The following CEP350 variants were observed in gnomAD, a reference collection of about 807,000 sequenced individuals.
CEP350 encodes centrosomal protein 350.
CEP350 carries 126 observed loss-of-function variants against 331.8 expected under a neutral mutation model. That is an observed-to-expected ratio of 0.38 (90% confidence interval 0.33 to 0.44). The LOEUF (loss-of-function observed/expected upper bound fraction) is 0.44, where lower values mean the gene tolerates loss of function less well. Among genes scored for constraint, CEP350 ranks in the 20% least tolerant of loss-of-function variants. The pLI, the probability that CEP350 is intolerant of heterozygous loss-of-function variation, is 1.00. For missense variants in CEP350, 3,406 were observed against 3,634.6 expected, an observed-to-expected ratio of 0.94 and a Z score of 1.62; for synonymous variants, 1,200 against 1,259.5, an observed-to-expected ratio of 0.95 and a Z score of 1.00.
rs1660309793 is a variant in CEP350, at chr1:180,093,499, T to A, written c.7394T>A (p.Met2465Lys). 1.2e-6 allele frequency: 2 copies of A among 1,612,174 alleles called. No homozygotes were observed. The highest frequency in any genetic ancestry group is 8.5e-7 in the Non-Finnish European group (1 of 1,178,886). The part of the protein sequence containing the change: ...LLELKSPTEL[M>K]KSKERSDVEH... Reference sequence around the variant, plus strand: ...GAACTCAAGTCCCCTACTGAGCTGATGAAAAGTAAGGAGCGCAGTGATGTG... The same window carrying A: ...GAACTCAAGTCCCCTACTGAGCTGAAGAAAAGTAAGGAGCGCAGTGATGTG... The change falls in exon 34 of 38, where the codon ATG (methionine) becomes AAG (lysine). Residue 2465 changes from methionine (M) to lysine (K), a missense_variant. By Grantham distance (95) the Met-to-Lys change is moderately conservative. This residue lies in a region of CEP350 where 1,415 missense variants were observed against 1,512.3 expected (regional missense o/e 0.94). Coordinates refer to ENST00000367607, the MANE Select transcript of CEP350 (RefSeq NM_014810.5).
chr1:180,101,500 C>G (rs1306874933), intron 37 of CEP350, among the ~76,000 whole-genome samples: 1 of 152,154 alleles, frequency 6.6e-6, no homozygotes, highest in African/African-American at 2.4e-5. Context: ...TCTCACATTA[C>G]AACAATCATC....
intron 1 of CEP350, among the ~76,000 whole-genome samples, chr1:179,981,983 G>C (rs1652301145): frequency 6.6e-6 from 1 of 152,154 alleles, no homozygotes; most frequent in South Asian, 2.1e-4. Flanking sequence ...CTGGGTAACA[G>C]AGTGACACCT....
chr1:180,061,626 T>C (rs1658236783), intron 25 of CEP350, among the ~76,000 whole-genome samples: 1 of 152,264 alleles, frequency 6.6e-6, no homozygotes, highest in Non-Finnish European at 1.5e-5. Flanking sequence ...GGAGAGATAT[T>C]GGTACAATGT....
At chr1:179,994,812 G>A (rs964381690) in intron 5 of CEP350, among the ~76,000 whole-genome samples, 1 of 151,964 alleles carries the variant, frequency 6.6e-6, no homozygotes, top group East Asian at 1.9e-4. Flanking sequence ...TTTGGGTTGT[G>A]GACCCCAGTG....
intron 1 of CEP350, among the ~76,000 whole-genome samples, chr1:179,963,425 A>G (rs1650775821): frequency 6.6e-6 from 1 of 152,106 alleles, no homozygotes; most frequent in African/African-American, 2.4e-5. Context: ...TTTTTAAAAT[A>G]GGATCTTTAT....
At chr1:180,008,221 AAAG>A (rs771152557) in intron 8 of CEP350, among the ~76,000 whole-genome samples, 2 of 152,192 alleles carry the variant, frequency 1.3e-5, no homozygotes, top group Non-Finnish European at 2.9e-5. Context: ...AGAATGGAAA[AAAG>A]ATAATTCTCT....
At chr1:179,980,107 T>C (rs916147197) in intron 1 of CEP350, among the ~76,000 whole-genome samples, 3 of 152,140 alleles carry the variant, frequency 2.0e-5, no homozygotes, top group African/African-American at 7.2e-5. Flanking sequence ...GTATTGAACC[T>C]GTAGATCACT....
intron 37 of CEP350, among the ~76,000 whole-genome samples, chr1:180,109,988 A>G (rs1236117551): frequency 6.6e-6 from 1 of 152,202 alleles, no homozygotes; most frequent in Non-Finnish European, 1.5e-5. Context: ...TGTATTATAA[A>G]CAAGCAATAA....
rs1340292756 is a variant in CEP350 at position 180,020,479 on chromosome 1, C to T, written c.2705C>T (p.Ser902Phe). The change falls in exon 12 of 38, where the codon TCT (serine) becomes TTT (phenylalanine). Residue 902 changes from serine to phenylalanine, a missense_variant. Transcript: ENST00000367607. ...RIQKMLGSCV[S>F]HATFDDDLPG... ...CAGAAGATGCTGGGAAGCTGTGTAT[C>T]TCATGCAACTTTTGATGATGATCTT... is the stretch of plus-strand genomic sequence containing the variant. 6.8e-6 allele frequency: 11 copies of T among 1,613,960 alleles called. No homozygotes were observed. The Middle Eastern group carries it at 4.9e-4, about 73-fold the overall frequency.
At chr1:179,969,160 G>T (rs1447781149) in intron 1 of CEP350, 3 of 630,030 alleles carry the variant, frequency 4.8e-6, no homozygotes, top group Non-Finnish European at 8.9e-6. Flanking sequence ...TGATATGGTG[G>T]GTGCTGGCCG....
chr1:180,022,856 A>G lies in CEP350; in HGVS notation c.3386+8A>G. On this transcript the variant is annotated splice_region_variant and intron_variant, in intron 13 of 37. Coordinates refer to ENST00000367607, the MANE Select transcript of CEP350 (RefSeq NM_014810.5). Reference sequence around the variant, plus strand: ...ATCAACTCTTGAACCTCAGTAAGATATATTGGCAATATGGAATAAACTCTG... The same window carrying G: ...ATCAACTCTTGAACCTCAGTAAGATGTATTGGCAATATGGAATAAACTCTG... 2 of 1,567,750 alleles carry G rather than the reference A, an allele frequency of 1.3e-6. No homozygotes were observed. Among genetic ancestry groups the G allele is most frequent in the Non-Finnish European group, 1.7e-6 (2 of 1,154,980 alleles).
chr1:180,102,661 CT>C (rs1421515285), intron 37 of CEP350, among the ~76,000 whole-genome samples: 1 of 151,966 alleles, frequency 6.6e-6, no homozygotes, highest in Non-Finnish European at 1.5e-5. Flanking sequence ...CATCCTTTTC[CT>C]TCATTCTGAG....
At chr1:180,002,783 C>G (rs1460209424) in intron 6 of CEP350, among the ~76,000 whole-genome samples, 1 of 152,154 alleles carries the variant, frequency 6.6e-6, no homozygotes, top group African/African-American at 2.4e-5. Flanking sequence ...AGCCCTGATA[C>G]ATGTTACATG....
intron 16 of CEP350, among the ~76,000 whole-genome samples, chr1:180,035,059 C>T (rs951047449): frequency 2.0e-5 from 3 of 152,140 alleles, no homozygotes; most frequent in African/African-American, 7.2e-5. Context: ...GATAAGAAGA[C>T]AAAATAGCCT....
chr1:179,994,207 C>G (rs1653304495), intron 5 of CEP350, among the ~76,000 whole-genome samples: 1 of 150,972 alleles, frequency 6.6e-6, no homozygotes, highest in African/African-American at 2.4e-5. Context: ...TATGAAATTA[C>G]TTTTTGTTGG....
chr1:180,106,400 C>T (rs899756940), intron 37 of CEP350, among the ~76,000 whole-genome samples: 4 of 152,040 alleles, frequency 2.6e-5, no homozygotes, highest in South Asian at 2.1e-4. Context: ...TTTTCTACAC[C>T]CTTTTGAAAT....
chr1:180,036,838 T>C, intron 16 of CEP350, 88 bp from the exon 17 acceptor site: 1 of 1,385,824 alleles, frequency 7.2e-7, no homozygotes, highest in Non-Finnish European at 9.5e-7. Flanking sequence ...AAAGCAAAGT[T>C]GATTTTGGCT....
intron 22 of CEP350, chr1:180,052,214 T>G (rs1447862370): frequency 8.8e-6 from 4 of 453,884 alleles, no homozygotes; most frequent in Non-Finnish European, 1.8e-5. Context: ...TCTTTCTTTC[T>G]TTTTTTAAGA....
chr1:180,022,821 C>T lies in CEP350; in HGVS notation c.3359C>T (p.Thr1120Ile). 2 of 1,589,962 alleles carry T rather than the reference C, an allele frequency of 1.3e-6. No individual in the cohort carries two copies. The highest frequency in any genetic ancestry group is 1.7e-6 in the Non-Finnish European group (2 of 1,167,060). Residue 1120 changes from threonine (T) to isoleucine (I), a missense_variant, in exon 13 of 38, where the codon ACA (threonine) becomes ATA (isoleucine). Thr to Ile is a moderately conservative substitution (Grantham distance 89, BLOSUM62 -1). Coordinates refer to ENST00000367607, the MANE Select transcript of CEP350 (RefSeq NM_014810.5). ...FVSSPGTGTS[T>I]EKKSTLEPHS... The stretch of plus-strand genomic sequence containing the variant: ...TCCTCTCCAGGGACTGGGACTTCGA[C>T]AGAAAAAAAATCAACTCTTGAACCT...
Sources: allele counts gnomAD v4.1 joint callset (sites outside exome capture counted in the v4.1 genomes callset), GRCh38; gene constraint gnomAD v4.1.1; regional missense constraint gnomAD v4.1.1; transcripts MANE v1.5; gene names NCBI Gene and HGNC (gene_info 2026-07-23, HGNC 2026-07-21).